ADAMTS8: variants seen among roughly 807,000 people sequenced by gnomAD.
ADAMTS8 encodes ADAM metallopeptidase with thrombospondin type 1 motif 8, also known as A disintegrin and metalloproteinase with thrombospondin motifs 8.
In ADAMTS8, 50 loss-of-function variants were observed where a neutral mutation model predicts 64.4. That is an observed-to-expected ratio of 0.78 (90% CI 0.62 to 0.98). The LOEUF (loss-of-function observed/expected upper bound fraction) is 0.98, where lower values mean the gene tolerates loss of function less well. Among genes scored for constraint, ADAMTS8 ranks in the 50% least tolerant of loss-of-function variants. The pLI, the probability that ADAMTS8 is intolerant of heterozygous loss-of-function variation, is 0.00. For missense variants in ADAMTS8, 1,192 were observed against 1,208.2 expected (o/e 0.99, Z 0.20); for synonymous variants, 556 against 533.6 (o/e 1.04, Z -0.58).
In ADAMTS8 at chr11:130,428,209, G is replaced by A; in HGVS notation, c.78C>T (p.Gly26=). The A allele has an allele frequency of 1.6e-6, 2 of 1,239,410 alleles. No homozygotes were observed. Among genetic ancestry groups the A allele is most frequent in the South Asian group, 3.5e-5 (1 of 28,254 alleles). The allele number at this position is 1,239,410 out of a possible 1,614,324, so 76.8% of individuals were successfully genotyped here. Residue 26 remains glycine, a synonymous_variant, in exon 1 of 9, where the codon GGC becomes GGT. Coordinates refer to ENST00000257359, the MANE Select transcript of ADAMTS8 (RefSeq NM_007037.6). The part of the protein sequence containing the change: ...LLLLLLPLAR[G]APARPAAGGQ... ...CCCCGGCTGCGGGCCGGGCCGGGGC[G>A]CCGCGGGCCAGCGGCAGCAGCAGCA...
In ADAMTS8 at chr11:130,416,181, G is replaced by T; in HGVS notation, c.1246C>A (p.Leu416Ile). 9 of 1,592,398 alleles carry T rather than the reference G, an allele frequency of 5.7e-6. No homozygotes were observed. The highest frequency in any genetic ancestry group is 7.7e-6 in the Non-Finnish European group (9 of 1,169,066). Reference sequence around the variant, plus strand: ...TGCCTACCGTGCCCGCCGTCCAGAAGCTCTGTGAGATACATGGCGCTGCAG... The same window carrying T: ...TGCCTACCGTGCCCGCCGTCCAGAATCTCTGTGAGATACATGGCGCTGCAG... Reference protein sequence around the residue: ...SPCSAMYLTELLDGGHGDCLL... With the variant: ...SPCSAMYLTEILDGGHGDCLL... The change falls in exon 4 of 9, where the codon CTT becomes ATT. Residue 416 changes from leucine (L) to isoleucine (I), a missense_variant. Transcript: ENST00000257359. This position sits in a 1 kb window ranked among gnomAD's most constrained non-coding sequence, Gnocchi z 4.8.
In ADAMTS8 at chr11:130,408,489, C is replaced by T. The variant is rs745430983; in HGVS notation, c.2074G>A (p.Val692Ile). Residue 692 changes from valine (V) to isoleucine (I), a missense_variant, in exon 8 of 9, where the codon GTC becomes ATC. This residue lies in a region of ADAMTS8 where 290 missense variants were observed against 297.8 expected (regional missense o/e 0.97). Transcript: ENST00000257359. ...CGGKGNSCRK[V>I]SGSLTPTNYG... ...TTGGTGGGGGTGAGGGACCCGGAGA[C>T]CTTCCTGCAGGAGTTGCCTTTGCCC... 2 of 1,613,860 alleles carry T rather than the reference C, an allele frequency of 1.2e-6. No individual in the cohort carries two copies. The highest frequency in any genetic ancestry group is 8.5e-7 in the Non-Finnish European group (1 of 1,180,034).
rs756528251 is a variant in ADAMTS8 at position 130,408,511 on chromosome 11, GC to G, written c.2051del (p.Gly684AlafsTer35). ...RKLDKCGVCGGKGNSCRKVSG... is the reference protein window; with the variant it reads ...RKLDKCGVCGXKGNSCRKVSG... ...AGACCTTCCTGCAGGAGTTGCCTTTGCCCCCACACACCCCGCATTTGTCCAG... is the reference window on the plus strand; with the variant it reads ...AGACCTTCCTGCAGGAGTTGCCTTTGCCCCACACACCCCGCATTTGTCCAG... On this transcript the variant is annotated frameshift_variant, in exon 8 of 9. Coordinates refer to ENST00000257359, the MANE Select transcript of ADAMTS8 (RefSeq NM_007037.6). LOFTEE classifies it low-confidence loss of function (END_TRUNC). 3 of 1,613,974 alleles carry G rather than the reference GC, an allele frequency of 1.9e-6. No homozygotes were observed. The highest frequency in any genetic ancestry group is 3.3e-5 in the Admixed American group (2 of 60,006).
intron 1 of ADAMTS8, 84 bp from the exon 2 acceptor site, chr11:130,419,376 T>G: frequency 6.4e-7 from 1 of 1,554,764 alleles, no homozygotes; most frequent in Non-Finnish European, 8.8e-7. Context: ...CCATCACCTC[T>G]TGTTATGGGG....
Position 130,405,555 on chromosome 11 carries a change from G to A in ADAMTS8, c.*3C>T. Reference sequence around the variant, plus strand: ...GCACAAGACTGGCCCCTGCCCCCCTGAATCACAGGGGGCACAGCTGGCTTT... The same window carrying A: ...GCACAAGACTGGCCCCTGCCCCCCTAAATCACAGGGGGCACAGCTGGCTTT... On this transcript the variant is annotated 3_prime_UTR_variant, in exon 9 of 9. Coordinates refer to ENST00000257359, the MANE Select transcript of ADAMTS8 (RefSeq NM_007037.6). 1 of 1,591,986 alleles carries A rather than the reference G, an allele frequency of 6.3e-7. No homozygotes were observed. The highest frequency in any genetic ancestry group is 8.6e-7 in the Non-Finnish European group (1 of 1,166,846).
rs761892374 is a variant in ADAMTS8, at chr11:130,405,695, A to G, written c.2533T>C (p.Ser845Pro). 5.0e-6 allele frequency: 8 copies of G among 1,614,004 alleles called. No individual in the cohort carries two copies. Among genetic ancestry groups the G allele is most frequent in the Non-Finnish European group, 5.1e-6 (6 of 1,179,980 alleles). ...QWVLGDWSECSSTCGAGWQRR... is the reference protein window; with the variant it reads ...QWVLGDWSECPSTCGAGWQRR... ...TGCCAGCCGGCCCCGCAGGTGCTAG[A>G]GCACTCAGACCAGTCCCCCAGCACC... The change falls in exon 9 of 9, where the codon TCT (serine) becomes CCT (proline). Residue 845 changes from serine to proline, a missense_variant. Ser to Pro is a moderately conservative substitution (Grantham distance 74). This residue lies in a region of ADAMTS8 where 147 missense variants were observed against 154.1 expected (regional missense o/e 0.95). Coordinates refer to ENST00000257359, the MANE Select transcript of ADAMTS8 (RefSeq NM_007037.6).
chr11:130,427,807 G>A lies in ADAMTS8; in HGVS notation c.480C>T (p.Pro160=). 1.3e-6 allele frequency: 2 copies of A among 1,572,008 alleles called. No individual in the cohort carries two copies. Among genetic ancestry groups the A allele is most frequent in the Non-Finnish European group, 8.6e-7 (1 of 1,160,686 alleles). The part of the protein sequence containing the change: ...LQRWGPAGAR[P]LPRGPEWEVE... ...CCTCCCACTCGGGTCCTCGCGGGAG[G>A]GGGCGGGCTCCGGCGGGACCCCAGC... Residue 160 remains proline (P), a synonymous_variant, in exon 1 of 9, where the codon CCC becomes CCT. Transcript: ENST00000257359.
Position 130,427,917 on chromosome 11 carries a change from C to G in ADAMTS8, c.370G>C (p.Gly124Arg), listed in dbSNP as rs781470917. Residue 124 changes from glycine to arginine, a missense_variant, in exon 1 of 9, where the codon GGC becomes CGC. Physicochemically the swap from Gly to Arg is moderately radical, Grantham distance 125. Coordinates refer to ENST00000257359, the MANE Select transcript of ADAMTS8 (RefSeq NM_007037.6). ...TCCTCGCCGTCCAGCAGGAAGGAGC[C>G]GCTCAGCCCGCGGCACAGGCTGACC... is the stretch of plus-strand genomic sequence containing the variant. ...AAVSLCRGLSGSFLLDGEEFT... is the reference protein window; with the variant it reads ...AAVSLCRGLSRSFLLDGEEFT... 2.6e-6 allele frequency: 4 copies of G among 1,533,652 alleles called. No homozygotes were observed. The highest frequency in any genetic ancestry group is 1.2e-5 in the South Asian group (1 of 83,952).
intron 2 of ADAMTS8, among the ~76,000 whole-genome samples, chr11:130,417,661 C>T (rs140693351): frequency 2.1e-3 from 297 of 144,286 alleles, no homozygotes; most frequent in African/African-American, 7.6e-3. Flanking sequence ...CTCCTGGGCA[C>T]AAGTGATTCT....
chr11:130,427,476 T>C, intron 1 of ADAMTS8, 91 bp downstream of exon 1: 2 of 537,692 alleles, frequency 3.7e-6, no homozygotes, highest in East Asian at 3.8e-5. Context: ...TTTTTTTTTC[T>C]CAGAGGGATT....
At position 130,405,414 on chromosome 11, in the gene ADAMTS8, C is replaced by A; in HGVS notation, c.*144G>T. On this transcript the variant is annotated 3_prime_UTR_variant, in exon 9 of 9. Transcript: ENST00000257359. Reference sequence around the variant, plus strand: ...TTCCCCCTTAGGAATTTGTGCAGTACTGGAGGGGTTGCGGCAATGGGAGGC... The same window carrying A: ...TTCCCCCTTAGGAATTTGTGCAGTAATGGAGGGGTTGCGGCAATGGGAGGC... 1 of 1,475,886 alleles carries A rather than the reference C, an allele frequency of 6.8e-7. No individual in the cohort carries two copies. The highest frequency in any genetic ancestry group is 1.4e-5 in the South Asian group (1 of 71,390). 91.4% of individuals were successfully genotyped at this position (1,475,886 alleles called of 1,614,324 possible). A position where few individuals can be genotyped will look rare whatever the true frequency, so the allele number is the denominator to read the frequency against.
At chr11:130,409,474 C>T (rs185708471) in intron 6 of ADAMTS8, among the ~76,000 whole-genome samples, 9 of 152,274 alleles carry the variant, frequency 5.9e-5, no homozygotes, top group East Asian at 1.9e-4. Flanking sequence ...GCCAAGCTCC[C>T]GATGGTCCTT....
At chr11:130,412,985 C>G (rs1861971729) in intron 5 of ADAMTS8, among the ~76,000 whole-genome samples, 2 of 152,154 alleles carry the variant, frequency 1.3e-5, no homozygotes, top group African/African-American at 4.8e-5. Flanking sequence ...ATTCTCCTGT[C>G]TTGGCCTCTG....
At chr11:130,409,045 T>A in intron 6 of ADAMTS8, 105 bp from the exon 7 acceptor site, 2 of 1,370,306 alleles carry the variant, frequency 1.5e-6, no homozygotes, top group Non-Finnish European at 1.9e-6. Flanking sequence ...CTTTTGGTTT[T>A]GAACTCAACC....
chr11:130,415,857 G>A (rs984848300), intron 4 of ADAMTS8, among the ~76,000 whole-genome samples: 2 of 152,094 alleles, frequency 1.3e-5, no homozygotes, highest in Admixed American at 6.5e-5. Context: ...TTGTAGGTTC[G>A]TCTCTCCTCT....
chr11:130,416,837 C>T lies in ADAMTS8; in HGVS notation c.1096+103G>A. On this transcript the variant is annotated intron_variant, in intron 3 of 8. Transcript: ENST00000257359. The surrounding 1 kb of genome is among the most constrained non-coding windows in gnomAD (Gnocchi z 4.8). ...CCTGTCAAAATTAGGAGGAGCTATT[C>T]CTAAGCAAGGGCCGCATATTCCTTA... 1 of 1,548,650 alleles carries T rather than the reference C, an allele frequency of 6.5e-7. No homozygotes were observed. Among genetic ancestry groups the T allele is most frequent in the South Asian group, 1.2e-5 (1 of 84,426 alleles).
Position 130,421,088 on chromosome 11 carries a change from C to T in ADAMTS8, c.721-1796G>A, listed in dbSNP as rs544778492. 3.9e-5 allele frequency among the ~76,000 whole-genome samples: 6 copies of T among 152,260 alleles called. No homozygotes were observed. The East Asian group carries it at 5.8e-4, about 15-fold the overall frequency. ...AATCTCAAAATGGGGAAGATGAGGT[C>T]GCACAAGGAAGGTGTAAAGCTAAGG... On this transcript the variant is annotated intron_variant, in intron 1 of 8. Transcript: ENST00000257359.
In ADAMTS8 at chr11:130,416,139, T is replaced by G; in HGVS notation, c.1264+24A>C. On this transcript the variant is annotated intron_variant, in intron 4 of 8. Transcript: ENST00000257359. The surrounding 1 kb of genome is among the most constrained non-coding windows in gnomAD (Gnocchi z 4.8). The stretch of plus-strand genomic sequence containing the variant: ...GTGGAAGGAGGCCCACGGGGACAAG[T>G]AGGGCGGGGCCGCCGGTGCCTACCG... 6.5e-7 allele frequency: 1 copy of G among 1,545,114 alleles called. No homozygotes were observed. The highest frequency in any genetic ancestry group is 8.7e-7 in the Non-Finnish European group (1 of 1,143,396).
chr11:130,407,642 G>C (rs948059304), intron 8 of ADAMTS8, among the ~76,000 whole-genome samples: 4 of 152,202 alleles, frequency 2.6e-5, no homozygotes, highest in Admixed American at 2.6e-4. Flanking sequence ...ATGTACTGGA[G>C]GCAGACAGGC....
Sources: gnomAD v4.1 joint callset for allele counts (sites outside exome capture counted in the v4.1 genomes callset) on GRCh38, gnomAD v4.1.1 for gene constraint, gnomAD v4.1.1 regional missense constraint, Gnocchi (gnomAD v3.1) non-coding constraint, MANE v1.5 for transcripts, NCBI Gene and HGNC (gene_info 2026-07-23, HGNC 2026-07-21) for gene names.